The following FAM20C variants were observed in gnomAD, a reference collection of about 807,000 sequenced individuals.
FAM20C encodes extracellular serine/threonine protein kinase FAM20C.
In FAM20C, 40 loss-of-function variants were observed where a neutral mutation model predicts 51.5. The observed-to-expected ratio is 0.78, with a 90% CI of 0.60 to 1.01. FAM20C has a LOEUF of 1.01. Ranked by LOEUF, FAM20C falls within the 50% of genes least tolerant of loss-of-function variation. FAM20C has a pLI of 0.00. For missense variants in FAM20C, 861 were observed against 844.7 expected (o/e 1.02, Z -0.24); for synonymous variants, 406 against 380.6 (o/e 1.07, Z -0.78).
At chr7:224,305 C>A (rs1234518837) in intron 3 of FAM20C, among the ~76,000 whole-genome samples, 4 of 43,150 alleles carry the variant, frequency 9.3e-5, no homozygotes, top group Admixed American at 4.1e-4. Context: ...CAGAATGGCA[C>A]CGTCACGGGG....
At chr7:217,229 C>T (rs184333020) in intron 3 of FAM20C, among the ~76,000 whole-genome samples, 1 of 152,124 alleles carries the variant, frequency 6.6e-6, no homozygotes. Context: ...GCTTTGGCCT[C>T]GGACTTGCAG....
chr7:257,461 G>A (rs1002830135), intron 8 of FAM20C: 11 of 218,054 alleles, frequency 5.0e-5, no homozygotes, highest in African/African-American at 6.9e-5. Flanking sequence ...CTCTGCGGCC[G>A]CTGCTGGCCT....
chr7:215,228 T>C (rs866622320), intron 3 of FAM20C, among the ~76,000 whole-genome samples: 27 of 80,058 alleles, frequency 3.4e-4, no homozygotes, highest in Middle Eastern at 5.4e-3. Flanking sequence ...AGGCTCCAGC[T>C]GGGGGGGGGA....
chr7:208,873 C>G (rs751833109), intron 2 of FAM20C, 25 bp from the exon 3 acceptor site: 9 of 1,555,060 alleles, frequency 5.8e-6, no homozygotes, highest in African/African-American at 1.4e-5. Context: ...GAGAGTGACC[C>G]TGTTTCTCTC....
chr7:250,596 T>G (rs539525345), intron 5 of FAM20C, among the ~76,000 whole-genome samples: 21 of 152,204 alleles, frequency 1.4e-4, no homozygotes, highest in Non-Finnish European at 2.6e-4. Context: ...GAAACTCGCC[T>G]CCCCACCCTG....
At chr7:222,207 G>C (rs183826768) in intron 3 of FAM20C, among the ~76,000 whole-genome samples, 1 of 152,198 alleles carries the variant, frequency 6.6e-6, no homozygotes, top group African/African-American at 2.4e-5. Context: ...CAGCTGTGCT[G>C]TTGTGTTTTG....
chr7:219,553 C>A (rs1210463503), intron 3 of FAM20C, among the ~76,000 whole-genome samples: 2 of 152,164 alleles, frequency 1.3e-5, no homozygotes, highest in South Asian at 4.1e-4. Context: ...GGAGGTGCCT[C>A]GGCTGTGGCT....
intron 2 of FAM20C, among the ~76,000 whole-genome samples, chr7:202,596 G>T (rs1421598352): frequency 1.4e-5 from 2 of 141,806 alleles, no homozygotes; most frequent in Non-Finnish European, 3.1e-5. Flanking sequence ...GGGGAATGGG[G>T]GGGCCCTATG....
At chr7:220,112 A>T (rs1234949888) in intron 3 of FAM20C, among the ~76,000 whole-genome samples, 1 of 152,210 alleles carries the variant, frequency 6.6e-6, no homozygotes, top group Non-Finnish European at 1.5e-5. Flanking sequence ...GACCCCTTGC[A>T]GGAAGGTTGA....
intron 2 of FAM20C, among the ~76,000 whole-genome samples, chr7:206,694 ACTG>A (rs1786416100): frequency 1.1e-4 from 4 of 35,152 alleles, no homozygotes; most frequent in East Asian, 8.6e-4. Context: ...ACACGTGCTC[ACTG>A]TCCACTGTGA....
At chr7:245,545 C>T (rs1188577709) in intron 3 of FAM20C, among the ~76,000 whole-genome samples, 1 of 152,108 alleles carries the variant, frequency 6.6e-6, no homozygotes, top group African/African-American at 2.4e-5. Flanking sequence ...AGGGGCCGGC[C>T]TTGGTGGGGG....
chr7:259,603 T>A, intron 9 of FAM20C, 128 bp from the exon 10 acceptor site: 1 of 1,203,806 alleles, frequency 8.3e-7, no homozygotes, highest in Non-Finnish European at 1.1e-6. Context: ...TCTCTCTGTC[T>A]CTGTCCCCCT....
chr7:233,764 G>A (rs1787769881), intron 3 of FAM20C, among the ~76,000 whole-genome samples: 1 of 152,212 alleles, frequency 6.6e-6, no homozygotes, highest in Admixed American at 6.5e-5. Flanking sequence ...ACAGGTCCTG[G>A]GGTTCAGATG....
rs61734970 is a variant in FAM20C at position 195,594 on chromosome 7, G to C, written c.646G>C (p.Gly216Arg). The change falls in exon 2 of 10, where the codon GGG (glycine) becomes CGG (arginine). Residue 216 changes from glycine to arginine, a missense_variant. By Grantham distance (125) the Gly-to-Arg change is moderately radical. Coordinates refer to ENST00000313766, the MANE Select transcript of FAM20C (RefSeq NM_020223.4). Reference protein sequence around the residue: ...GAEGAEFLSPGEAAVDSYPNW... With the variant: ...GAEGAEFLSPREAAVDSYPNW... ...TGAAGGTGCAGAATTCCTCTCCCCCGGGGAGGCGGCCGTGGACTCCTATCC... is the reference window on the plus strand; with the variant it reads ...TGAAGGTGCAGAATTCCTCTCCCCCCGGGAGGCGGCCGTGGACTCCTATCC... 18 of 1,597,892 alleles carry C rather than the reference G, an allele frequency of 1.1e-5. No homozygotes were observed. The highest frequency in any genetic ancestry group is 1.5e-5 in the Non-Finnish European group (17 of 1,171,500).
At position 256,705 on chromosome 7, in the gene FAM20C, C is replaced by A; in HGVS notation, c.1305C>A (p.Tyr435Ter). Residue 435 changes from tyrosine (Y) to a stop codon, truncating the protein, a stop_gained, in exon 7 of 10, where the codon TAC becomes TAA. Coordinates refer to ENST00000313766, the MANE Select transcript of FAM20C (RefSeq NM_020223.4). LOFTEE classifies it high-confidence loss of function. ...AGGAGGTGAAGCAGACACCGCCCTA[C>A]GACAGCAGCCACCGCATCCTGGACG... ...YCEEVKQTPP[Y>*]DSSHRILDVM... The A allele has an allele frequency of 6.5e-7, 1 of 1,536,154 alleles. No homozygotes were observed. Among genetic ancestry groups the A allele is most frequent in the Non-Finnish European group, 8.7e-7 (1 of 1,146,838 alleles).
Position 218,007 on chromosome 7 carries a change from C to G in FAM20C, c.863+9031C>G, listed in dbSNP as rs1446117267. Among the ~76,000 whole-genome samples the G allele has an allele frequency of 2.0e-5, 3 of 152,158 alleles. No individual in the cohort carries two copies. In the East Asian group the frequency reaches 5.8e-4, roughly 29 times the overall value. On this transcript the variant is annotated intron_variant, in intron 3 of 9. Coordinates refer to ENST00000313766, the MANE Select transcript of FAM20C (RefSeq NM_020223.4). ...CGAGGGCTGCCCGTCCCCGTCGGCC[C>G]CGGGATGCTTTGTTAGCAGGACGTG...
intron 3 of FAM20C, among the ~76,000 whole-genome samples, chr7:235,325 G>A (rs1248531601): frequency 2.6e-5 from 4 of 152,098 alleles, no homozygotes; most frequent in East Asian, 1.9e-4. Flanking sequence ...CCGGACGCAC[G>A]TGGACTGCCG....
intron 3 of FAM20C, among the ~76,000 whole-genome samples, chr7:237,206 G>C (rs1477496504): frequency 6.6e-6 from 1 of 152,246 alleles, no homozygotes; most frequent in Non-Finnish European, 1.5e-5. Flanking sequence ...GCTAGAATCA[G>C]ATTGGCCTCG....
chr7:236,689 T>C (rs1787856384), intron 3 of FAM20C, among the ~76,000 whole-genome samples: 1 of 126,556 alleles, frequency 7.9e-6, no homozygotes, highest in Non-Finnish European at 1.6e-5. Flanking sequence ...ATAAGGATGG[T>C]TGATGGTCGG....
Sources: gnomAD v4.1 joint callset for allele counts (sites outside exome capture counted in the v4.1 genomes callset) on GRCh38, gnomAD v4.1.1 for gene constraint, MANE v1.5 for transcripts, NCBI Gene and HGNC (gene_info 2026-07-23, HGNC 2026-07-21) for gene names.